ITGA6: variants seen among roughly 807,000 people sequenced by gnomAD.
ITGA6 encodes the protein integrin alpha-6.
ITGA6 carries 63 observed loss-of-function variants against 133.6 expected under a neutral mutation model. The ratio of observed to expected loss-of-function variants is 0.47; its 90% CI spans 0.38 to 0.58. The LOEUF (loss-of-function observed/expected upper bound fraction) is 0.58, where lower values mean the gene tolerates loss of function less well. Among genes scored for constraint, ITGA6 ranks in the 20% least tolerant of loss-of-function variants. The pLI is 0.00. For synonymous variants in ITGA6, 434 were observed against 482.0 expected (o/e 0.90, Z 1.30); for missense variants, 1,068 against 1,309.4 (o/e 0.82, Z 2.85).
chr2:172,490,741 G>C, intron 20 of ITGA6: 1 of 370,660 alleles, frequency 2.7e-6, no homozygotes, highest in Non-Finnish European at 5.1e-6. Context: ...CCCACAGTTT[G>C]GTGGGGATAC....
At chr2:172,443,888 C>T (rs970453505) in intron 1 of ITGA6, among the ~76,000 whole-genome samples, 2 of 152,218 alleles carry the variant, frequency 1.3e-5, no homozygotes, top group Non-Finnish European at 2.9e-5. Context: ...GATCCTCCCG[C>T]CTCGGCCTCC....
At chr2:172,472,294 A>G (rs2149045310) in intron 5 of ITGA6, among the ~76,000 whole-genome samples, 1 of 152,374 alleles carries the variant, frequency 6.6e-6, no homozygotes, top group East Asian at 1.9e-4. Context: ...ACTGCCCTCC[A>G]GTCTGGGCAA....
rs543939343 is a variant in ITGA6, at chr2:172,484,147, T to C, written c.1550-635T>C. The stretch of plus-strand genomic sequence containing the variant: ...TGTTAAGGTAAAGGTCTCATCCTAC[T>C]GTCGAAAGACTTCTCCATCTCTAAA... On this transcript the variant is annotated intron_variant, in intron 11 of 25. Coordinates refer to ENST00000684293, the MANE Select transcript of ITGA6 (RefSeq NM_000210.4). Among the ~76,000 whole-genome samples, 13 of 152,368 alleles carry C rather than the reference T, an allele frequency of 8.5e-5. 1 individual carries two copies. The South Asian group carries it at 2.3e-3, about 27-fold the overall frequency.
chr2:172,465,358 T>C, intron 1 of ITGA6, 181 bp from the exon 2 acceptor site: 1 of 716,158 alleles, frequency 1.4e-6, no homozygotes, highest in South Asian at 1.6e-5. Flanking sequence ...TAGTTGTGTT[T>C]GTGCGTTTTG....
At chr2:172,498,291 T>G (rs1687212535) in intron 24 of ITGA6, among the ~76,000 whole-genome samples, 191 bp downstream of exon 24, 1 of 152,252 alleles carries the variant, frequency 6.6e-6, no homozygotes. Flanking sequence ...TATTTTGTAT[T>G]TAAAGTATAT....
At chr2:172,473,191 C>T (rs1021672917) in intron 5 of ITGA6, among the ~76,000 whole-genome samples, 4 of 152,196 alleles carry the variant, frequency 2.6e-5, no homozygotes, top group Admixed American at 6.5e-5. Context: ...TATTATTCTG[C>T]ATCTGCCTCA....
rs6759915 is a variant in ITGA6, at chr2:172,505,877, T to G, written c.*1809T>G. On this transcript the variant is annotated 3_prime_UTR_variant, in exon 26 of 26. Transcript: ENST00000684293. ...GTGTTTAAAGTCTCAGTTTCTTGCT[T>G]GGGGAACTTGTGTCCCTAATGTGTT... 2.6e-5 allele frequency: 4 copies of G among 152,590 alleles called. No individual in the cohort carries two copies. In the East Asian group the frequency reaches 5.8e-4, roughly 22 times the overall value. The allele number at this position is 152,590 out of a possible 1,614,324, so 9.5% of individuals were successfully genotyped here.
intron 5 of ITGA6, 86 bp downstream of exon 5, chr2:172,471,191 C>T (rs1014159223): frequency 5.2e-6 from 8 of 1,529,114 alleles, no homozygotes; most frequent in Middle Eastern, 2.0e-4. Context: ...GGCCCCTGGA[C>T]TTCTAGGCTG....
rs1686726977 is a variant in ITGA6 at position 172,487,315 on chromosome 2, A to G, written c.2022A>G (p.Leu674=). 1 of 1,614,082 alleles carries G rather than the reference A, an allele frequency of 6.2e-7. No homozygotes were observed. The highest frequency in any genetic ancestry group is 8.5e-7 in the Non-Finnish European group (1 of 1,179,888). ...LVLKDQKDIA[L]EITVTNSPSN... ...TAAAAGATCAGAAGGATATTGCTTT[A>G]GAAATAACAGTGACAAACAGCCCTT... Residue 674 remains leucine (L), a synonymous_variant, in exon 15 of 26, where the codon TTA becomes TTG. Coordinates refer to ENST00000684293, the MANE Select transcript of ITGA6 (RefSeq NM_000210.4).
chr2:172,474,155 G>A lies in ITGA6; in HGVS notation c.876G>A (p.Leu292=), dbSNP rs2149047635. Residue 292 remains leucine (L), a synonymous_variant, in exon 6 of 26, where the codon CTG becomes CTA. Coordinates refer to ENST00000684293, the MANE Select transcript of ITGA6 (RefSeq NM_000210.4). ...ATCACAGTGGAGCCGTGGTTTTGCT[G>A]AAGAGAGACATGAAGTCTGCACATC... ...RANHSGAVVL[L]KRDMKSAHLL... is the part of the protein sequence containing the mutation. 6.2e-7 allele frequency: 1 copy of A among 1,614,094 alleles called. No homozygotes were observed. Among genetic ancestry groups the A allele is most frequent in the Non-Finnish European group, 8.5e-7 (1 of 1,180,014 alleles).
In ITGA6 at chr2:172,505,235, C is replaced by T. The variant is rs1049689639; in HGVS notation, c.*1167C>T. On this transcript the variant is annotated 3_prime_UTR_variant, in exon 26 of 26. Transcript: ENST00000684293. ...CTGCATAATGTTTCTGGATTTCATA[C>T]TGTAACATTCAGGAATTCTTGGAGA... 1 of 152,354 alleles carries T rather than the reference C, an allele frequency of 6.6e-6. No homozygotes were observed. The highest frequency in any genetic ancestry group is 2.4e-5 in the African/African-American group (1 of 41,448). 9.4% of individuals were successfully genotyped at this position (152,354 alleles called of 1,614,324 possible).
At chr2:172,449,415 CAT>C (rs149210460) in intron 1 of ITGA6, among the ~76,000 whole-genome samples, 2,522 of 152,192 alleles carry the variant, frequency 0.017, 72 homozygotes, top group African/African-American at 0.057. Context: ...GTATTCATCC[CAT>C]TTATTGAATG....
chr2:172,487,556 T>C lies in ITGA6; in HGVS notation c.2170T>C (p.Leu724=), dbSNP rs773171825. Residue 724 remains leucine, a synonymous_variant, in exon 16 of 26, where the codon TTG becomes CTG. Coordinates refer to ENST00000684293, the MANE Select transcript of ITGA6 (RefSeq NM_000210.4). ...RELRAFPEKQ[L]SCVANQNGSQ... Reference sequence around the variant, plus strand: ...TGTGTTTCTTTTACAGGAGAAACAGTTGAGTTGTGTTGCCAACCAGAATGG... The same window carrying C: ...TGTGTTTCTTTTACAGGAGAAACAGCTGAGTTGTGTTGCCAACCAGAATGG... The C allele has an allele frequency of 6.2e-7, 1 of 1,614,018 alleles. No individual in the cohort carries two copies. Among genetic ancestry groups the C allele is most frequent in the African/African-American group, 1.3e-5 (1 of 74,930 alleles).
At chr2:172,470,835 C>T (rs773459259) in intron 4 of ITGA6, 139 bp from the exon 5 acceptor site, 6 of 780,832 alleles carry the variant, frequency 7.7e-6, no homozygotes, top group Non-Finnish European at 1.2e-5. Context: ...CCATAAAAGT[C>T]ATCTCTGTCC....
chr2:172,459,228 G>A (rs908927576), intron 1 of ITGA6, among the ~76,000 whole-genome samples: 9 of 152,168 alleles, frequency 5.9e-5, no homozygotes, highest in Non-Finnish European at 8.8e-5. Context: ...GGTGGAGCAC[G>A]GTGGTTCACG....
chr2:172,471,907 AAG>A lies in ITGA6; in HGVS notation c.775+804_775+805del, dbSNP rs1355491563. Among the ~76,000 whole-genome samples the A allele has an allele frequency of 4.0e-3, 554 of 140,248 alleles. 3 individuals carry two copies. Among genetic ancestry groups the A allele is most frequent in the Non-Finnish European group, 5.1e-3 (324 of 64,016 alleles). The allele number at this position is 140,248 out of a possible 152,430, so 92.0% of individuals were successfully genotyped here. On this transcript the variant is annotated intron_variant, in intron 5 of 25. Transcript: ENST00000684293. ...ATAGTAACCTGTTTAAAAAAAAAAA[AAG>A]AAAGTGAAGAAAAGTACCCAGATGT...
chr2:172,462,660 T>C (rs1258403711), intron 1 of ITGA6, among the ~76,000 whole-genome samples: 1 of 151,868 alleles, frequency 6.6e-6, no homozygotes, highest in East Asian at 1.9e-4. Context: ...TTACAGAGAG[T>C]GGAGAACAAG....
At position 172,474,872 on chromosome 2, in the gene ITGA6, G is replaced by C. The variant is rs573776494; in HGVS notation, c.987-57G>C. On this transcript the variant is annotated intron_variant, in intron 6 of 25. Coordinates refer to ENST00000684293, the MANE Select transcript of ITGA6 (RefSeq NM_000210.4). ...CTTTGTATCCTTAGTACCTAGACTG[G>C]TGTTGCTGGTATGTTAGCTGTTGGT... 7.0e-4 allele frequency: 587 copies of C among 836,964 alleles called. 1 individual carries two copies. The highest frequency in any genetic ancestry group is 1.0e-3 in the Non-Finnish European group (486 of 470,280). The allele number at this position is 836,964 out of a possible 1,614,324, so 51.8% of individuals were successfully genotyped here.
At chr2:172,465,956 C>A (rs950416972) in intron 2 of ITGA6, 16 of 490,016 alleles carry the variant, frequency 3.3e-5, no homozygotes, top group African/African-American at 3.1e-4. Flanking sequence ...TGGAAAAACT[C>A]ATTTCATAGC....
Sources: allele counts gnomAD v4.1 joint callset (sites outside exome capture counted in the v4.1 genomes callset), GRCh38; gene constraint gnomAD v4.1.1; transcripts MANE v1.5; gene names NCBI Gene and HGNC (gene_info 2026-07-23, HGNC 2026-07-21).